The following HMBOX1 variants were observed in gnomAD, a reference collection of about 807,000 sequenced individuals.
HMBOX1 encodes homeobox-containing protein 1.
Under a neutral mutation model 54.5 loss-of-function variants are expected in HMBOX1, and 14 were observed. The observed-to-expected ratio is 0.26, with a 90% CI of 0.17 to 0.40. The LOEUF (loss-of-function observed/expected upper bound fraction) is 0.40. HMBOX1 is among the 10% of genes least tolerant of loss of function. HMBOX1 has a pLI of 1.00. For missense variants in HMBOX1, 332 were observed against 514.4 expected (o/e 0.65, Z 3.43); for synonymous variants, 160 against 181.0 (o/e 0.88, Z 0.93).
At chr8:29,021,854 C>T (rs1043700373) in intron 6 of HMBOX1, among the ~76,000 whole-genome samples, 40 of 126,632 alleles carry the variant, frequency 3.2e-4, no homozygotes, top group African/African-American at 1.2e-3. Context: ...AGCGAGACTC[C>T]GTCTCAAAAA....
intron 1 of HMBOX1, chr8:28,955,826 A>C (rs1205351166): frequency 6.6e-6 from 1 of 151,958 alleles, no homozygotes; most frequent in Non-Finnish European, 1.5e-5. Context: ...GGTGGTGGGC[A>C]CCTGTAGTTC....
chr8:29,038,763 A>T (rs1383563423), intron 6 of HMBOX1, among the ~76,000 whole-genome samples: 1 of 152,198 alleles, frequency 6.6e-6, no homozygotes, highest in Non-Finnish European at 1.5e-5. Context: ...TTCTGCCTCT[A>T]ATATCAGCAG....
At chr8:28,994,165 ACC>A (rs1491554071) in intron 4 of HMBOX1, among the ~76,000 whole-genome samples, 1 of 113,696 alleles carries the variant, frequency 8.8e-6, no homozygotes, top group Non-Finnish European at 2.1e-5. Flanking sequence ...AGACTCTCTC[ACC>A]AAAAAAAAAA....
chr8:29,000,293 C>G (rs1420477327), intron 4 of HMBOX1, among the ~76,000 whole-genome samples: 1 of 152,200 alleles, frequency 6.6e-6, no homozygotes, highest in African/African-American at 2.4e-5. Flanking sequence ...TTCACTTTCT[C>G]TTTGTACTAG....
intron 1 of HMBOX1, chr8:28,915,821 C>A (rs1366316612): frequency 6.6e-6 from 1 of 151,916 alleles, no homozygotes; most frequent in African/African-American, 2.4e-5. Flanking sequence ...TTGTCTCAGC[C>A]TCCTGAGTAG....
intron 1 of HMBOX1, among the ~76,000 whole-genome samples, chr8:28,895,565 C>T (rs1421526022): frequency 1.3e-5 from 2 of 151,926 alleles, no homozygotes; most frequent in Admixed American, 1.3e-4. Flanking sequence ...ATCCCAGCTA[C>T]TCGGGAGGCT....
Position 28,933,075 on chromosome 8 carries a change from C to T in HMBOX1, c.-57-30736C>T, listed in dbSNP as rs564785909. On this transcript the variant is annotated intron_variant, in intron 1 of 9. Coordinates refer to ENST00000287701, the MANE Select transcript of HMBOX1 (RefSeq NM_001135726.3). The stretch of plus-strand genomic sequence containing the variant: ...GGTCCAAGTCCAGTCAGATCCTGTA[C>T]TCTTTTTTTTTGATGGAAAGAAGGG... Among the ~76,000 whole-genome samples the T allele has an allele frequency of 6.2e-4, 94 of 152,232 alleles. 1 individual carries two copies. The highest frequency in any genetic ancestry group is 2.2e-3 in the African/African-American group (92 of 41,562).
chr8:28,965,770 G>A (rs900016198), intron 2 of HMBOX1, among the ~76,000 whole-genome samples: 1 of 152,146 alleles, frequency 6.6e-6, no homozygotes, highest in African/African-American at 2.4e-5. Flanking sequence ...CTCCCAAAGT[G>A]TCTGTTAAGC....
intron 6 of HMBOX1, among the ~76,000 whole-genome samples, chr8:29,025,816 A>G (rs1369116158): frequency 2.0e-5 from 3 of 152,172 alleles, no homozygotes; most frequent in East Asian, 1.9e-4. Context: ...TTTTAAATTC[A>G]TGACCGCTAA....
At chr8:29,007,699 G>C (rs1833662051) in intron 4 of HMBOX1, among the ~76,000 whole-genome samples, 1 of 152,062 alleles carries the variant, frequency 6.6e-6, no homozygotes, top group African/African-American at 2.4e-5. Flanking sequence ...CTGGTACAGT[G>C]GCTTATGCCT....
intron 1 of HMBOX1, among the ~76,000 whole-genome samples, chr8:28,960,778 T>G (rs1301955454): frequency 8.7e-4 from 51 of 58,762 alleles, no homozygotes; most frequent in African/African-American, 2.1e-3. Flanking sequence ...TTTTTTTTTT[T>G]TTTTTTTTTT....
intron 2 of HMBOX1, among the ~76,000 whole-genome samples, chr8:28,968,771 A>C (rs1183128063): frequency 6.6e-6 from 1 of 152,254 alleles, no homozygotes; most frequent in Non-Finnish European, 1.5e-5. Context: ...ACACTTATTG[A>C]GAGCCTACTG....
chr8:28,967,421 A>AGT (rs1436534120), intron 2 of HMBOX1, among the ~76,000 whole-genome samples: 1 of 152,240 alleles, frequency 6.6e-6, no homozygotes, highest in Non-Finnish European at 1.5e-5. Flanking sequence ...TTCTAATTCA[A>AGT]GTGTTAGGAT....
chr8:28,948,891 G>C (rs1482349008), intron 1 of HMBOX1, among the ~76,000 whole-genome samples: 1 of 152,082 alleles, frequency 6.6e-6, no homozygotes, highest in African/African-American at 2.4e-5. Flanking sequence ...AAATAAGGAG[G>C]AAGACATTAA....
At chr8:28,907,426 T>A (rs1814548653) in intron 1 of HMBOX1, among the ~76,000 whole-genome samples, 1 of 152,266 alleles carries the variant, frequency 6.6e-6, no homozygotes, top group Non-Finnish European at 1.5e-5. Flanking sequence ...GCTCAAATAC[T>A]GCTAATTTGT....
intron 1 of HMBOX1, among the ~76,000 whole-genome samples, chr8:28,940,097 C>T (rs1277710909): frequency 6.6e-6 from 1 of 152,110 alleles, no homozygotes; most frequent in Non-Finnish European, 1.5e-5. Context: ...CATCCTCCAT[C>T]TCCTGGGTTC....
At chr8:28,917,097 T>C (rs1257306798) in intron 1 of HMBOX1, among the ~76,000 whole-genome samples, 1 of 151,830 alleles carries the variant, frequency 6.6e-6, no homozygotes, top group Admixed American at 6.6e-5. Flanking sequence ...AATTACCTTG[T>C]TAATATATAC....
At chr8:28,926,541 G>T (rs1818547700) in intron 1 of HMBOX1, among the ~76,000 whole-genome samples, 1 of 152,048 alleles carries the variant, frequency 6.6e-6, no homozygotes, top group Non-Finnish European at 1.5e-5. Flanking sequence ...ACTTTATAAA[G>T]TAGAGCTTTT....
intron 1 of HMBOX1, among the ~76,000 whole-genome samples, chr8:28,919,190 A>T (rs1817113101): frequency 6.6e-6 from 1 of 151,972 alleles, no homozygotes. Context: ...TGGTTCCAGG[A>T]CTCCCTTTGG....
Sources: allele counts gnomAD v4.1 joint callset (sites outside exome capture counted in the v4.1 genomes callset), GRCh38; gene constraint gnomAD v4.1.1; transcripts MANE v1.5; gene names NCBI Gene and HGNC (gene_info 2026-07-23, HGNC 2026-07-21).